The following RBFOX1 variants were observed in gnomAD, a reference collection of about 807,000 sequenced individuals.
RBFOX1 encodes RNA binding fox-1 homolog 1.
A neutral mutation model predicts 57.7 loss-of-function variants in RBFOX1; 8 were observed. The ratio of observed to expected loss-of-function variants is 0.14; its 90% CI spans 0.08 to 0.25. The LOEUF (loss-of-function observed/expected upper bound fraction) is 0.25. RBFOX1 is among the 10% of genes least tolerant of loss of function. The pLI is 1.00. For missense variants in RBFOX1, 611 were observed against 548.5 expected (o/e 1.11, Z -1.14); for synonymous variants, 326 against 222.4 (o/e 1.47, Z -4.15).
chr16:7,587,229 ATTTCTATTT>A lies in RBFOX1; in HGVS notation c.415-17_415-9del. On this transcript the variant is annotated splice_polypyrimidine_tract_variant and intron_variant, in intron 6 of 15. Coordinates refer to ENST00000550418, the MANE Select transcript of RBFOX1 (RefSeq NM_018723.4). ...GCATTTCTCTTCTTGCTTATAAGATATTTCTATTTCTTTGCAGCAATTTGGTAAAATCTT... is the reference window on the plus strand; with the variant it reads ...GCATTTCTCTTCTTGCTTATAAGATACTTTGCAGCAATTTGGTAAAATCTT... 6.5e-7 allele frequency: 1 copy of A among 1,535,134 alleles called. No individual in the cohort carries two copies. Among genetic ancestry groups the A allele is most frequent in the Non-Finnish European group, 8.8e-7 (1 of 1,139,490 alleles).
intron 4 of RBFOX1, among the ~76,000 whole-genome samples, chr16:5,885,747 C>T (rs997364908): frequency 2.0e-5 from 3 of 152,098 alleles, no homozygotes; most frequent in African/African-American, 7.2e-5. Flanking sequence ...AAGTGATTTT[C>T]TTACTTAGGC....
intron 2 of RBFOX1, among the ~76,000 whole-genome samples, chr16:6,635,863 G>A (rs992614746): frequency 6.6e-6 from 1 of 152,092 alleles, no homozygotes; most frequent in Non-Finnish European, 1.5e-5. Flanking sequence ...TATTCAAAAT[G>A]TTCGAGACCA....
chr16:6,898,159 T>G (rs370484915), intron 3 of RBFOX1, among the ~76,000 whole-genome samples: 1 of 152,176 alleles, frequency 6.6e-6, no homozygotes, highest in Admixed American at 6.5e-5. Flanking sequence ...GCATCATAAT[T>G]GAGGTCGTAG....
At chr16:7,441,413 TG>T (rs2149890172) in intron 4 of RBFOX1, among the ~76,000 whole-genome samples, 1 of 152,258 alleles carries the variant, frequency 6.6e-6, no homozygotes, top group East Asian at 1.9e-4. Flanking sequence ...GAGATGATGT[TG>T]CCTAAGCCTC....
Position 6,951,238 on chromosome 16 carries a change from G to GC in RBFOX1, c.-15-100818dup, listed in dbSNP as rs1355061970. Among the ~76,000 whole-genome samples the GC allele has an allele frequency of 2.0e-5, 3 of 152,046 alleles. No individual in the cohort carries two copies. The East Asian group carries it at 5.8e-4, about 29-fold the overall frequency. ...TTTTTTCTTAACCAGTTAAGAAAAG[G>GC]CATGTGAGTGAAAGAAACGTAATAG... is the stretch of plus-strand genomic sequence containing the variant. On this transcript the variant is annotated intron_variant, in intron 3 of 15. Coordinates refer to ENST00000550418, the MANE Select transcript of RBFOX1 (RefSeq NM_018723.4).
At chr16:7,562,253 C>G (rs192893181) in intron 5 of RBFOX1, among the ~76,000 whole-genome samples, 63 of 152,208 alleles carry the variant, frequency 4.1e-4, no homozygotes, top group African/African-American at 1.5e-3. Flanking sequence ...AAAAGTGGAG[C>G]CTTGCTGGTG....
At chr16:7,215,824 A>T (rs2091942060) in intron 4 of RBFOX1, among the ~76,000 whole-genome samples, 1 of 148,440 alleles carries the variant, frequency 6.7e-6, no homozygotes, top group African/African-American at 2.5e-5. Context: ...TCTCGGGTTC[A>T]CGCCATTCTC....
intron 3 of RBFOX1, among the ~76,000 whole-genome samples, chr16:5,840,848 G>A (rs372735469): frequency 6.6e-6 from 1 of 152,186 alleles, no homozygotes. Flanking sequence ...CCGAGAGCCA[G>A]TGCCTGTCTG....
At chr16:6,919,280 G>A (rs750980198) in intron 3 of RBFOX1, among the ~76,000 whole-genome samples, 5 of 152,102 alleles carry the variant, frequency 3.3e-5, no homozygotes, top group South Asian at 2.1e-4. Context: ...GAGCCATGGC[G>A]CCTGGCCCAA....
At chr16:6,887,772 C>G (rs150377644) in intron 3 of RBFOX1, among the ~76,000 whole-genome samples, 1,593 of 151,946 alleles carry the variant, frequency 0.01, 28 homozygotes, top group African/African-American at 0.036. Flanking sequence ...AAGTGATTCT[C>G]CAGCCTCAGC....
intron 3 of RBFOX1, among the ~76,000 whole-genome samples, chr16:5,605,171 G>A (rs569783702): frequency 6.6e-6 from 1 of 152,162 alleles, no homozygotes; most frequent in African/African-American, 2.4e-5. Context: ...ACCCTCCAAG[G>A]TGCAGCAGAA....
intron 3 of RBFOX1, among the ~76,000 whole-genome samples, chr16:6,961,017 A>G (rs1003869412): frequency 1.3e-5 from 2 of 150,830 alleles, no homozygotes; most frequent in Non-Finnish European, 3.0e-5. Context: ...GGTGGCCAGC[A>G]ACTATAGTCC....
At chr16:7,543,926 G>A (rs2152490594) in intron 5 of RBFOX1, among the ~76,000 whole-genome samples, 1 of 152,092 alleles carries the variant, frequency 6.6e-6, no homozygotes, top group Non-Finnish European at 1.5e-5. Flanking sequence ...TCACCATGTT[G>A]GCCAGGATGG....
At chr16:5,900,875 C>G (rs1019329394) in intron 4 of RBFOX1, among the ~76,000 whole-genome samples, 1 of 152,156 alleles carries the variant, frequency 6.6e-6, no homozygotes, top group African/African-American at 2.4e-5. Flanking sequence ...TCCAAAAAAC[C>G]AAGTCTACAT....
At chr16:7,384,354 A>T (rs1227329563) in intron 4 of RBFOX1, among the ~76,000 whole-genome samples, 1 of 152,164 alleles carries the variant, frequency 6.6e-6, no homozygotes. Context: ...AACGAGGAAT[A>T]TATAGCTCAG....
chr16:5,547,473 A>G (rs1486429), intron 2 of RBFOX1, among the ~76,000 whole-genome samples: 94,220 of 151,968 alleles, frequency 0.62, 30,134 homozygotes, highest in East Asian at 0.89. Context: ...GTAAGTCTCA[A>G]AATCTTTATG....
chr16:5,861,529 C>A (rs1281094285), intron 3 of RBFOX1, among the ~76,000 whole-genome samples: 1 of 152,234 alleles, frequency 6.6e-6, no homozygotes, highest in African/African-American at 2.4e-5. Context: ...CCACCTGGGA[C>A]TCCTACATGA....
intron 1 of RBFOX1, among the ~76,000 whole-genome samples, chr16:5,397,481 A>G (rs2066592641): frequency 6.6e-6 from 1 of 152,226 alleles, no homozygotes; most frequent in South Asian, 2.1e-4. Context: ...AAGTCTATGG[A>G]CGGCGGAGTG....
chr16:6,441,228 G>A (rs2094373258), intron 2 of RBFOX1, among the ~76,000 whole-genome samples: 2 of 152,076 alleles, frequency 1.3e-5, no homozygotes, highest in South Asian at 4.2e-4. Flanking sequence ...AAGTGAGCCA[G>A]GGTTCTAAGG....
Sources: gnomAD v4.1 joint callset for allele counts (sites outside exome capture counted in the v4.1 genomes callset) on GRCh38, gnomAD v4.1.1 for gene constraint, MANE v1.5 for transcripts, NCBI Gene and HGNC (gene_info 2026-07-23, HGNC 2026-07-21) for gene names.